The following RHOT1 variants were observed in gnomAD, a reference collection of about 807,000 sequenced individuals.
RHOT1 encodes the protein ras homolog family member T1.
Under a neutral mutation model 95.3 loss-of-function variants are expected in RHOT1, and 27 were observed. That is an observed-to-expected ratio of 0.28 (90% CI 0.21 to 0.39). The LOEUF is 0.39. Among genes scored for constraint, RHOT1 ranks in the 10% least tolerant of loss-of-function variants. The probability of loss-of-function intolerance (pLI) is 1.00; values close to 1 mark genes in which losing one functional copy is unlikely to be tolerated. For synonymous variants in RHOT1, 227 were observed against 263.5 expected (o/e 0.86, Z 1.34); for missense variants, 578 against 786.7 (o/e 0.73, Z 3.17).
At chr17:32,154,988 G>A (rs2032793849) in intron 1 of RHOT1, among the ~76,000 whole-genome samples, 1 of 152,130 alleles carries the variant, frequency 6.6e-6, no homozygotes, top group South Asian at 2.1e-4. Flanking sequence ...AGAGGCTGAG[G>A]CAGGAGGATC....
At chr17:32,192,363 T>C in intron 9 of RHOT1, 64 bp downstream of exon 9, 1 of 869,458 alleles carries the variant, frequency 1.2e-6, no homozygotes, top group Non-Finnish European at 1.9e-6. Context: ...TGCTGAAAGC[T>C]GTAAAATGTG....
At chr17:32,158,858 A>C (rs2033243636) in intron 1 of RHOT1, among the ~76,000 whole-genome samples, 1 of 152,148 alleles carries the variant, frequency 6.6e-6, no homozygotes, top group African/African-American at 2.4e-5. Context: ...AGTGTCATAC[A>C]ATTCAATTCA....
intron 1 of RHOT1, among the ~76,000 whole-genome samples, chr17:32,156,079 T>C (rs1188039711): frequency 6.6e-6 from 1 of 152,200 alleles, no homozygotes; most frequent in Non-Finnish European, 1.5e-5. Context: ...GGTTATGAAA[T>C]GTTGCATGTA....
chr17:32,212,208 A>G (rs922778636), intron 19 of RHOT1, among the ~76,000 whole-genome samples: 1 of 152,234 alleles, frequency 6.6e-6, no homozygotes, highest in African/African-American at 2.4e-5. Flanking sequence ...AACTGTATCA[A>G]ATGACCATAG....
intron 1 of RHOT1, among the ~76,000 whole-genome samples, chr17:32,165,056 C>T (rs775725682): frequency 2.7e-5 from 4 of 150,872 alleles, no homozygotes; most frequent in East Asian, 2.0e-4. Context: ...AAAACAGGGC[C>T]GGGCGTGGGC....
intron 1 of RHOT1, among the ~76,000 whole-genome samples, chr17:32,156,288 G>T (rs1440197514): frequency 1.3e-5 from 2 of 152,170 alleles, no homozygotes; most frequent in Non-Finnish European, 2.9e-5. Context: ...ACAGGGTCTC[G>T]CTGTGTCACC....
chr17:32,171,311 C>G (rs1379046227), intron 2 of RHOT1, among the ~76,000 whole-genome samples: 1 of 152,174 alleles, frequency 6.6e-6, no homozygotes, highest in Non-Finnish European at 1.5e-5. Context: ...ACCTCCAACT[C>G]CTGGACTCAA....
chr17:32,214,667 G>C (rs2038342556), intron 19 of RHOT1, among the ~76,000 whole-genome samples: 1 of 152,140 alleles, frequency 6.6e-6, no homozygotes, highest in South Asian at 2.1e-4. Flanking sequence ...TTTGGCAGCT[G>C]TTACTGGTTG....
chr17:32,193,849 G>A, intron 10 of RHOT1, 138 bp from the exon 11 acceptor site: 1 of 1,047,150 alleles, frequency 9.5e-7, no homozygotes, highest in African/African-American at 1.6e-5. Flanking sequence ...TGAGATACTT[G>A]TGAATTTTGT....
chr17:32,223,484 G>A (rs911703832), intron 19 of RHOT1, among the ~76,000 whole-genome samples: 3 of 149,870 alleles, frequency 2.0e-5, no homozygotes, highest in Non-Finnish European at 4.4e-5. Context: ...GCACCGTGTC[G>A]GCTCACTGCA....
intron 1 of RHOT1, among the ~76,000 whole-genome samples, chr17:32,149,426 A>G (rs1476674894): frequency 6.7e-6 from 1 of 148,592 alleles, no homozygotes; most frequent in Non-Finnish European, 1.5e-5. Flanking sequence ...CATATTTGCC[A>G]TTATTAAGAT....
chr17:32,171,419 A>G (rs575441148), intron 2 of RHOT1, among the ~76,000 whole-genome samples: 185 of 152,290 alleles, frequency 1.2e-3, no homozygotes, highest in African/African-American at 4.3e-3. Context: ...ATATTTGTTT[A>G]TCACCTGTAT....
Position 32,183,429 on chromosome 17 carries a change from G to T in RHOT1, c.540+157G>T, listed in dbSNP as rs189419519. On this transcript the variant is annotated intron_variant, in intron 8 of 19. Transcript: ENST00000545287. ...TTACATTTTGGTACTCTTCTTCAAT[G>T]ACATTCACATTAAATATTCGTAATA... Among the ~76,000 whole-genome samples, 6 of 152,208 alleles carry T rather than the reference G, an allele frequency of 3.9e-5. No individual in the cohort carries two copies. The East Asian group carries it at 9.7e-4, about 24-fold the overall frequency.
chr17:32,162,115 C>T (rs937841774), intron 1 of RHOT1, among the ~76,000 whole-genome samples: 2 of 152,104 alleles, frequency 1.3e-5, no homozygotes, highest in Non-Finnish European at 2.9e-5. Flanking sequence ...CCAGCTGTTT[C>T]CCTGTTGGAG....
At position 32,202,928 on chromosome 17, in the gene RHOT1, A is replaced by G. The variant is rs754871589; in HGVS notation, c.1332+28A>G. ...GAGAGTTCTCGTAAAATACAATTTT[A>G]TCCAACAAATTTTTATAGTTACTAG... is the stretch of plus-strand genomic sequence containing the variant. On this transcript the variant is annotated intron_variant, in intron 15 of 19. Transcript: ENST00000545287. 8 of 1,599,356 alleles carry G rather than the reference A, an allele frequency of 5.0e-6. No homozygotes were observed. The Admixed American group carries it at 5.4e-5, about 11-fold the overall frequency.
chr17:32,152,355 G>A (rs2142381759), intron 1 of RHOT1, among the ~76,000 whole-genome samples: 1 of 152,336 alleles, frequency 6.6e-6, no homozygotes, highest in Admixed American at 6.5e-5. Flanking sequence ...GAAATCTGAA[G>A]TTCCTCATAA....
Position 32,171,046 on chromosome 17 carries a change from G to C in RHOT1, c.41G>C (p.Arg14Thr). The stretch of plus-strand genomic sequence containing the variant: ...GTAACGATTTTTCTTTTCACAGCTA[G>C]AGTTGGGAAGACATCACTGATTATG... ...DVRILLVGEP[R>T]VGKTSLIMSL... Residue 14 changes from arginine to threonine, a missense_variant, in exon 2 of 20, where the codon AGA becomes ACA. Physicochemically the swap from Arg to Thr is moderately conservative, Grantham distance 71. Around this residue, in one of 4 missense-constraint regions of RHOT1, gnomAD observed 51 missense variants for 114.7 expected, o/e 0.44. Transcript: ENST00000545287. 2 of 1,602,562 alleles carry C rather than the reference G, an allele frequency of 1.2e-6. No homozygotes were observed. Among genetic ancestry groups the C allele is most frequent in the Non-Finnish European group, 1.7e-6 (2 of 1,173,894 alleles).
At chr17:32,194,133 T>C (rs765885322) in intron 11 of RHOT1, 26 bp downstream of exon 11, 3 of 1,607,020 alleles carry the variant, frequency 1.9e-6, no homozygotes, top group South Asian at 1.1e-5. Context: ...TTTTTTGTTG[T>C]TGTTGTTGTT....
In RHOT1 at chr17:32,142,692, C is replaced by T; in HGVS notation, c.-1C>T. ...GAGGCCGGCCCCCGAGAGCCGCCGA[C>T]ATGAAGAAAGACGTGCGGATCCTGC... On this transcript the variant is annotated 5_prime_UTR_variant, in exon 1 of 20. Transcript: ENST00000545287. 6.5e-7 allele frequency: 1 copy of T among 1,531,738 alleles called. No homozygotes were observed. 94.9% of individuals were successfully genotyped at this position (1,531,738 alleles called of 1,614,324 possible).
Sources: gnomAD v4.1 joint callset for allele counts (sites outside exome capture counted in the v4.1 genomes callset) on GRCh38, gnomAD v4.1.1 for gene constraint, gnomAD v4.1.1 regional missense constraint, MANE v1.5 for transcripts, NCBI Gene and HGNC (gene_info 2026-07-23, HGNC 2026-07-21) for gene names.